MARCHF6: variants seen among roughly 807,000 people sequenced by gnomAD.
MARCHF6 encodes membrane associated ring-CH-type finger 6.
A neutral mutation model predicts 133.7 loss-of-function variants in MARCHF6; 31 were observed. The ratio of observed to expected loss-of-function variants is 0.23; its 90% CI spans 0.17 to 0.31. The LOEUF is 0.31. MARCHF6 is among the 10% of genes least tolerant of loss of function. MARCHF6 has a pLI of 1.00. For synonymous variants in MARCHF6, 395 were observed against 402.5 expected, an observed-to-expected ratio of 0.98 and a Z score of 0.22; for missense variants, 723 against 1,121.6, an observed-to-expected ratio of 0.64 and a Z score of 5.08.
intron 2 of MARCHF6, 101 bp downstream of exon 2, chr5:10,377,995 T>A (rs970229441): frequency 1.5e-6 from 1 of 685,642 alleles, no homozygotes; most frequent in Admixed American, 2.6e-5. Flanking sequence ...TAATTATTTT[T>A]AAAAGTTTTA....
Position 10,433,796 on chromosome 5 carries a change from T to A in MARCHF6, c.*112T>A. 1 of 856,536 alleles carries A rather than the reference T, an allele frequency of 1.2e-6. No individual in the cohort carries two copies. Among genetic ancestry groups the A allele is most frequent in the Non-Finnish European group, 1.9e-6 (1 of 521,048 alleles). 53.1% of individuals were successfully genotyped at this position (856,536 alleles called of 1,614,324 possible). A position where few individuals can be genotyped will look rare whatever the true frequency, so the allele number is the denominator to read the frequency against. ...CAGCGTTGTTTTTAAGTTAAATGTATTTGACTTGTGTTCTCAGCATTCAGA... is the reference window on the plus strand; with the variant it reads ...CAGCGTTGTTTTTAAGTTAAATGTAATTGACTTGTGTTCTCAGCATTCAGA... On this transcript the variant is annotated 3_prime_UTR_variant, in exon 26 of 26. Transcript: ENST00000274140.
chr5:10,434,933 A>C lies in MARCHF6; in HGVS notation c.*1249A>C, dbSNP rs1322280745. On this transcript the variant is annotated 3_prime_UTR_variant, in exon 26 of 26. Transcript: ENST00000274140. Reference sequence around the variant, plus strand: ...AAATCTCAGAGAACTGAACCCTTACAAACTTTGTTTTCCCTCATAACCAAA... The same window carrying C: ...AAATCTCAGAGAACTGAACCCTTACCAACTTTGTTTTCCCTCATAACCAAA... 1 of 152,668 alleles carries C rather than the reference A, an allele frequency of 6.6e-6. No individual in the cohort carries two copies. The highest frequency in any genetic ancestry group is 1.5e-5 in the Non-Finnish European group (1 of 68,054). 9.5% of individuals were successfully genotyped at this position (152,668 alleles called of 1,614,324 possible). A position where few individuals can be genotyped will look rare whatever the true frequency, so the allele number is the denominator to read the frequency against.
intron 12 of MARCHF6, 108 bp from the exon 13 acceptor site, chr5:10,402,276 A>G: frequency 8.4e-7 from 1 of 1,196,830 alleles, no homozygotes; most frequent in Admixed American, 1.8e-5. Context: ...AGTGTGGACA[A>G]AATGTGAAAT....
intron 1 of MARCHF6, among the ~76,000 whole-genome samples, chr5:10,360,147 T>G (rs1251084788): frequency 7.0e-6 from 1 of 143,314 alleles, no homozygotes; most frequent in Admixed American, 6.9e-5. Context: ...TGTGTGTGTT[T>G]TTTTTTTTTT....
At chr5:10,354,091 C>T in intron 1 of MARCHF6, 174 bp downstream of exon 1, 1 of 506,484 alleles carries the variant, frequency 2.0e-6, no homozygotes, top group Non-Finnish European at 3.0e-6. Context: ...CTCTGCGCGC[C>T]CCCCGCCGTT....
chr5:10,419,188 A>G (rs1739696378), intron 22 of MARCHF6, among the ~76,000 whole-genome samples: 1 of 152,226 alleles, frequency 6.6e-6, no homozygotes, highest in Non-Finnish European at 1.5e-5. Flanking sequence ...AGCGATACAC[A>G]TTCAGCAGAA....
At chr5:10,409,541 C>T (rs1262391314) in intron 17 of MARCHF6, among the ~76,000 whole-genome samples, 1 of 152,162 alleles carries the variant, frequency 6.6e-6, no homozygotes, top group African/African-American at 2.4e-5. Context: ...AGAGCCACCT[C>T]CTAGAGAGTC....
At chr5:10,406,859 T>C (rs1738928330) in intron 16 of MARCHF6, among the ~76,000 whole-genome samples, 1 of 152,218 alleles carries the variant, frequency 6.6e-6, no homozygotes, top group Non-Finnish European at 1.5e-5. Flanking sequence ...GATTATCCTT[T>C]GTGGCTTCCG....
chr5:10,362,258 A>G (rs1735872914), intron 1 of MARCHF6, among the ~76,000 whole-genome samples: 1 of 152,230 alleles, frequency 6.6e-6, no homozygotes, highest in Non-Finnish European at 1.5e-5. Context: ...CCCATTTACC[A>G]AATATTGGGT....
At chr5:10,364,938 G>A (rs556430983) in intron 1 of MARCHF6, among the ~76,000 whole-genome samples, 1 of 152,118 alleles carries the variant, frequency 6.6e-6, no homozygotes, top group East Asian at 1.9e-4. Flanking sequence ...TGAGTAGCTG[G>A]GATTACAAGC....
intron 4 of MARCHF6, among the ~76,000 whole-genome samples, chr5:10,385,694 A>G (rs1165222577): frequency 6.6e-6 from 1 of 152,238 alleles, no homozygotes; most frequent in Non-Finnish European, 1.5e-5. Flanking sequence ...ACAAAGCATT[A>G]TATTTCATAT....
intron 22 of MARCHF6, among the ~76,000 whole-genome samples, chr5:10,421,140 T>C (rs988432021): frequency 6.6e-6 from 1 of 152,246 alleles, no homozygotes; most frequent in Admixed American, 6.5e-5. Context: ...GAGAATTCTT[T>C]GGTACTATCA....
chr5:10,406,931 A>G (rs1389891612), intron 16 of MARCHF6, among the ~76,000 whole-genome samples, 171 bp from the exon 17 acceptor site: 1 of 152,200 alleles, frequency 6.6e-6, no homozygotes, highest in Non-Finnish European at 1.5e-5. Context: ...ATCTTAGGAA[A>G]ACATTTTTAT....
Position 10,375,568 on chromosome 5 carries a change from G to C in MARCHF6, c.20-2230G>C, listed in dbSNP as rs549162196. On this transcript the variant is annotated intron_variant, in intron 1 of 25. Coordinates refer to ENST00000274140, the MANE Select transcript of MARCHF6 (RefSeq NM_005885.4). ...GCGCATGGCGCGGGACTGGCAGGCAGCTCCACCTGCAGCCCGGGTGCGGGA... is the reference window on the plus strand; with the variant it reads ...GCGCATGGCGCGGGACTGGCAGGCACCTCCACCTGCAGCCCGGGTGCGGGA... Among the ~76,000 whole-genome samples the C allele has an allele frequency of 9.2e-5, 14 of 152,374 alleles. No homozygotes were observed. The East Asian group carries it at 2.7e-3, about 29-fold the overall frequency.
chr5:10,415,679 TGTAATAC>T lies in MARCHF6; in HGVS notation c.2148+11_2148+17del. On this transcript the variant is annotated intron_variant, in intron 21 of 25. Coordinates refer to ENST00000274140, the MANE Select transcript of MARCHF6 (RefSeq NM_005885.4). ...AGAGTGGTCTCTCATGGTATGTGTG[TGTAATAC>T]AAGACTGATCTTGTATGTTAGGAAT... The T allele has an allele frequency of 6.2e-6, 10 of 1,611,722 alleles. No individual in the cohort carries two copies. Among genetic ancestry groups the T allele is most frequent in the Non-Finnish European group, 6.8e-6 (8 of 1,178,302 alleles).
intron 4 of MARCHF6, among the ~76,000 whole-genome samples, chr5:10,384,384 AC>A (rs1200408845): frequency 6.6e-6 from 1 of 152,240 alleles, no homozygotes; most frequent in Non-Finnish European, 1.5e-5. Flanking sequence ...CCCATAGCCA[AC>A]AAAGGACTTG....
At chr5:10,394,913 C>T in intron 9 of MARCHF6, 128 bp downstream of exon 9, 4 of 571,566 alleles carry the variant, frequency 7.0e-6, no homozygotes, top group Non-Finnish European at 1.2e-5. Context: ...CATTCTCCTG[C>T]CTCAGCTTTC....
chr5:10,368,343 C>T (rs1736260943), intron 1 of MARCHF6, among the ~76,000 whole-genome samples: 1 of 152,160 alleles, frequency 6.6e-6, no homozygotes, highest in South Asian at 2.1e-4. Flanking sequence ...AAAGGTTAAT[C>T]ACTTCTTGGC....
chr5:10,372,439 C>T (rs1231974429), intron 1 of MARCHF6, among the ~76,000 whole-genome samples: 1 of 152,104 alleles, frequency 6.6e-6, no homozygotes, highest in Non-Finnish European at 1.5e-5. Flanking sequence ...ATACAATTGA[C>T]TCTGTGAAAA....
Sources: gnomAD v4.1 joint callset for allele counts (sites outside exome capture counted in the v4.1 genomes callset) on GRCh38, gnomAD v4.1.1 for gene constraint, MANE v1.5 for transcripts, NCBI Gene and HGNC (gene_info 2026-07-23, HGNC 2026-07-21) for gene names.